Variants in PCDH15 observed in about 807,000 individuals in gnomAD.
The protein encoded by PCDH15 is protocadherin related 15.
A neutral mutation model predicts 178.5 loss-of-function variants in PCDH15; 129 were observed. The ratio of observed to expected loss-of-function variants is 0.72; its 90% CI spans 0.63 to 0.84. The LOEUF (loss-of-function observed/expected upper bound fraction) is 0.84, where lower values mean the gene tolerates loss of function less well. PCDH15 is among the 40% of genes least tolerant of loss of function. PCDH15 has a pLI of 0.00. For missense variants in PCDH15, 2,230 were observed against 2,099.9 expected (o/e 1.06, Z -1.21); for synonymous variants, 800 against 732.0 (o/e 1.09, Z -1.50).
intron 15 of PCDH15, among the ~76,000 whole-genome samples, chr10:54,107,301 T>C (rs1413986379): frequency 2.6e-5 from 4 of 152,324 alleles, no homozygotes; most frequent in South Asian, 4.1e-4. Flanking sequence ...GTCATAAATA[T>C]ATGTATGCTT....
rs116263884 is a variant in PCDH15, at chr10:55,312,108, T to C, written c.-156+7491A>G. Among the ~76,000 whole-genome samples, 800 of 152,254 alleles carry C rather than the reference T, an allele frequency of 5.3e-3. 11 individuals carry two copies. Among genetic ancestry groups the C allele is most frequent in the African/African-American group, 0.018 (761 of 41,536 alleles). On this transcript the variant is annotated intron_variant, in intron 1 of 5. Coordinates refer to the PCDH15 transcript ENST00000458638. Reference sequence around the variant, plus strand: ...GTAAACTTTTGTATTAATTGTGTTTTCATGTTGCTCGAGGGCAAACTGCTG... The same window carrying C: ...GTAAACTTTTGTATTAATTGTGTTTCCATGTTGCTCGAGGGCAAACTGCTG...
intron 1 of PCDH15, among the ~76,000 whole-genome samples, chr10:55,265,540 ATAT>A (rs1299642974): frequency 6.6e-6 from 1 of 152,026 alleles, no homozygotes; most frequent in Non-Finnish European, 1.5e-5. Flanking sequence ...AAGGGGGCAA[ATAT>A]TATGCAACTG....
chr10:53,974,057 G>A (rs578038032), intron 21 of PCDH15, among the ~76,000 whole-genome samples: 36 of 152,124 alleles, frequency 2.4e-4, no homozygotes, highest in African/African-American at 7.7e-4. Context: ...TCACTCTGTC[G>A]TCCGGGCTGG....
At chr10:55,372,034 G>C (rs1320039746) in intron 2 of PCDH15, among the ~76,000 whole-genome samples, 1 of 152,054 alleles carries the variant, frequency 6.6e-6, no homozygotes, top group Admixed American at 6.6e-5. Flanking sequence ...TAGAAATTTA[G>C]ATATTTTAAA....
At chr10:54,978,663 T>C (rs962262660) in intron 2 of PCDH15, among the ~76,000 whole-genome samples, 4 of 152,172 alleles carry the variant, frequency 2.6e-5, no homozygotes, top group African/African-American at 9.7e-5. Context: ...TAATAGATAC[T>C]GTAATCAATG....
In PCDH15 at chr10:55,627,781, T is replaced by C. The variant is rs1242034467; in HGVS notation, c.-284-28A>G. 12 of 152,068 alleles carry C rather than the reference T, an allele frequency of 7.9e-5. No individual in the cohort carries two copies. The East Asian group carries it at 2.1e-3, about 27-fold the overall frequency. 9.4% of individuals were successfully genotyped at this position (152,068 alleles called of 1,614,324 possible). A position where few individuals can be genotyped will look rare whatever the true frequency, so the allele number is the denominator to read the frequency against. On this transcript the variant is annotated intron_variant, in intron 1 of 5. Coordinates refer to the PCDH15 transcript ENST00000613346. The stretch of plus-strand genomic sequence containing the variant: ...AGTTACCAATTGAGAAAAAAAAGGG[T>C]CAGAGACACACAAGGATGGTGATCA...
At chr10:55,531,915 C>T (rs1425924266) in intron 2 of PCDH15, among the ~76,000 whole-genome samples, 2 of 151,842 alleles carry the variant, frequency 1.3e-5, no homozygotes, top group Non-Finnish European at 2.9e-5. Flanking sequence ...AAGAAAAATC[C>T]TTATATCTAG....
chr10:55,263,665 G>A (rs1049868719), intron 1 of PCDH15, among the ~76,000 whole-genome samples: 59 of 151,976 alleles, frequency 3.9e-4, no homozygotes, highest in African/African-American at 1.4e-3. Context: ...CACTTGCACT[G>A]AGGAAGAGGC....
At position 55,425,081 on chromosome 10, in the gene PCDH15, A is replaced by G. The variant is rs151269023; in HGVS notation, c.-156+202544T>C. ...TTTTTAAAAGCTCATATCTCCATGT[A>G]GAAAAAATTAGAAATTAAGAAATTC... On this transcript the variant is annotated intron_variant, in intron 2 of 5. Transcript: ENST00000613346. Among the ~76,000 whole-genome samples, 1,126 of 150,830 alleles carry G rather than the reference A, an allele frequency of 7.5e-3. 11 individuals carry two copies. The highest frequency in any genetic ancestry group is 8.1e-3 in the Non-Finnish European group (548 of 67,766).
intron 13 of PCDH15, among the ~76,000 whole-genome samples, chr10:54,171,917 C>T (rs1404061446): frequency 2.7e-5 from 4 of 150,550 alleles, no homozygotes; most frequent in Admixed American, 6.6e-5. Context: ...TAGGTTCCCA[C>T]GCCGCCCCTA....
chr10:53,812,777 C>T (rs901494144), intron 35 of PCDH15, among the ~76,000 whole-genome samples: 6 of 151,760 alleles, frequency 4.0e-5, no homozygotes, highest in African/African-American at 7.3e-5. Flanking sequence ...CAATGGAATA[C>T]GAGAAGAGAG....
chr10:54,090,863 A>G (rs1291683193), intron 15 of PCDH15, among the ~76,000 whole-genome samples: 2 of 152,162 alleles, frequency 1.3e-5, no homozygotes, highest in Non-Finnish European at 1.5e-5. Context: ...TTCTAAAACG[A>G]GGACTATACA....
intron 2 of PCDH15, among the ~76,000 whole-genome samples, chr10:54,907,756 C>G (rs1277335262): frequency 6.6e-6 from 1 of 152,058 alleles, no homozygotes; most frequent in Non-Finnish European, 1.5e-5. Flanking sequence ...ATATTGTGAT[C>G]TAGGGATAAT....
At chr10:54,738,803 C>T (rs1390795620) in intron 1 of PCDH15, among the ~76,000 whole-genome samples, 1 of 151,934 alleles carries the variant, frequency 6.6e-6, no homozygotes, top group South Asian at 2.1e-4. Flanking sequence ...TCAATAGATG[C>T]TGAAAAGGCA....
At chr10:55,421,120 A>G (rs1838610504) in intron 2 of PCDH15, among the ~76,000 whole-genome samples, 1 of 151,592 alleles carries the variant, frequency 6.6e-6, no homozygotes, top group African/African-American at 2.4e-5. Flanking sequence ...TAAACATATG[A>G]AGTCAAAATA....
Position 53,822,199 on chromosome 10 carries a change from T to C in PCDH15, c.4368-1969A>G, listed in dbSNP as rs536348883. ...TTGGTCGTGCATTTAACACCTGTTA[T>C]ACAGACACACTCTGTGGACAGAAAT... On this transcript the variant is annotated intron_variant, in intron 32 of 37. Coordinates refer to ENST00000644397, the MANE Select transcript of PCDH15 (RefSeq NM_001384140.1). The C allele has an allele frequency of 2.0e-5, 32 of 1,613,916 alleles. No homozygotes were observed. The highest frequency in any genetic ancestry group is 2.6e-5 in the Non-Finnish European group (31 of 1,179,968).
At chr10:55,526,589 A>C (rs1244322428) in intron 2 of PCDH15, among the ~76,000 whole-genome samples, 1 of 151,938 alleles carries the variant, frequency 6.6e-6, no homozygotes, top group Non-Finnish European at 1.5e-5. Context: ...AGTGCTTTCC[A>C]TCAAGCAATG....
chr10:53,859,330 A>T (rs1589129086), intron 27 of PCDH15, among the ~76,000 whole-genome samples: 1 of 152,158 alleles, frequency 6.6e-6, no homozygotes. Flanking sequence ...TGGGTTATGG[A>T]TAGGGTGAGT....
chr10:54,537,113 C>T lies in PCDH15; in HGVS notation c.92-9236G>A, dbSNP rs983019912. 4.0e-5 allele frequency among the ~76,000 whole-genome samples: 6 copies of T among 148,306 alleles called. No homozygotes were observed. The East Asian group carries it at 1.3e-3, about 31-fold the overall frequency. On this transcript the variant is annotated intron_variant, in intron 2 of 37. Transcript: ENST00000644397. The stretch of plus-strand genomic sequence containing the variant: ...TCCCAGGTTCACGCCAGTCTTCTGC[C>T]TCAGCCTCCCGAGTAGCTGGGACTA...
Sources: allele counts gnomAD v4.1 joint callset (sites outside exome capture counted in the v4.1 genomes callset), GRCh38; gene constraint gnomAD v4.1.1; transcripts MANE v1.5; gene names NCBI Gene and HGNC (gene_info 2026-07-23, HGNC 2026-07-21).